ADAMTSL1: variants seen among roughly 807,000 people sequenced by gnomAD.
ADAMTSL1 encodes ADAMTS-like protein 1.
A neutral mutation model predicts 201.8 loss-of-function variants in ADAMTSL1; 126 were observed. The observed-to-expected ratio is 0.62, with a 90% confidence interval of 0.54 to 0.72. The LOEUF (loss-of-function observed/expected upper bound fraction) is 0.72. Ranked by LOEUF, ADAMTSL1 falls within the 30% of genes least tolerant of loss-of-function variation. The probability of loss-of-function intolerance (pLI) is 0.00; values close to 1 mark genes in which losing one functional copy is unlikely to be tolerated. For missense variants in ADAMTSL1, 2,679 were observed against 2,277.8 expected (o/e 1.18, Z -3.59); for synonymous variants, 1,121 against 903.4 (o/e 1.24, Z -4.32).
chr9:18,697,658 G>C (rs1016603522), intron 13 of ADAMTSL1, among the ~76,000 whole-genome samples: 1 of 152,200 alleles, frequency 6.6e-6, no homozygotes, highest in East Asian at 1.9e-4. Flanking sequence ...AGAAGTAAAT[G>C]AGTTTATATA....
chr9:18,829,697 G>T, intron 22 of ADAMTSL1, 146 bp from the exon 23 acceptor site: 1 of 1,142,282 alleles, frequency 8.8e-7, no homozygotes, highest in East Asian at 2.5e-5. Context: ...TCCTCTATAG[G>T]AAAAATAATG....
chr9:18,841,144 G>A (rs1210265371), intron 23 of ADAMTSL1, among the ~76,000 whole-genome samples: 1 of 151,564 alleles, frequency 6.6e-6, no homozygotes. Context: ...TCCAGTTTTT[G>A]CCCATTCAGT....
intron 4 of ADAMTSL1, among the ~76,000 whole-genome samples, chr9:18,619,587 T>G (rs753692703): frequency 6.6e-6 from 1 of 152,192 alleles, no homozygotes; most frequent in Non-Finnish European, 1.5e-5. Context: ...ATTTAGCTAT[T>G]CCTAATATTA....
chr9:18,105,026 TAA>T (rs531440165), intron 1 of ADAMTSL1, among the ~76,000 whole-genome samples: 1 of 147,874 alleles, frequency 6.8e-6, no homozygotes. Context: ...TATGTATAAA[TAA>T]AAAAAAAATA....
chr9:17,969,124 A>G (rs1473954656), intron 1 of ADAMTSL1, among the ~76,000 whole-genome samples: 1 of 152,080 alleles, frequency 6.6e-6, no homozygotes, highest in African/African-American at 2.4e-5. Context: ...CATTGAGCCT[A>G]ATTTTTATAG....
At chr9:18,319,475 C>G (rs919424949) in intron 2 of ADAMTSL1, among the ~76,000 whole-genome samples, 1 of 152,012 alleles carries the variant, frequency 6.6e-6, no homozygotes, top group Non-Finnish European at 1.5e-5. Context: ...CTTCAAAAAC[C>G]AAGGGATTTA....
intron 1 of ADAMTSL1, among the ~76,000 whole-genome samples, chr9:18,490,993 C>T (rs1468971142): frequency 6.6e-6 from 1 of 152,060 alleles, no homozygotes; most frequent in Non-Finnish European, 1.5e-5. Context: ...AGTGTAAAGG[C>T]AGGAAAGCAC....
chr9:18,686,851 A>T (rs541988257), intron 13 of ADAMTSL1, among the ~76,000 whole-genome samples: 1 of 152,330 alleles, frequency 6.6e-6, no homozygotes, highest in South Asian at 2.1e-4. Context: ...ATCGTCAACC[A>T]TATTTTGTCA....
At chr9:18,097,429 A>G (rs558315587) in intron 1 of ADAMTSL1, among the ~76,000 whole-genome samples, 11 of 152,344 alleles carry the variant, frequency 7.2e-5, no homozygotes, top group Admixed American at 4.6e-4. Context: ...TTTGGTAAAT[A>G]CCTAGGAATA....
chr9:17,938,536 C>A (rs1041903023), intron 1 of ADAMTSL1, among the ~76,000 whole-genome samples: 3 of 152,056 alleles, frequency 2.0e-5, no homozygotes, highest in African/African-American at 7.2e-5. Flanking sequence ...GCCAGTATTC[C>A]CTATAATTTG....
intron 5 of ADAMTSL1, among the ~76,000 whole-genome samples, chr9:18,631,186 T>A (rs1721081289): frequency 6.6e-6 from 1 of 152,196 alleles, no homozygotes; most frequent in African/African-American, 2.4e-5. Flanking sequence ...ACTGATTACA[T>A]ATAAAGATGA....
At chr9:18,078,677 G>A (rs776968290) in intron 1 of ADAMTSL1, among the ~76,000 whole-genome samples, 1 of 152,046 alleles carries the variant, frequency 6.6e-6, no homozygotes, top group Non-Finnish European at 1.5e-5. Context: ...CCCTCCAATC[G>A]TAACCCCTAG....
At chr9:17,907,249 G>A (rs1200337025) in intron 1 of ADAMTSL1, among the ~76,000 whole-genome samples, 10 of 152,122 alleles carry the variant, frequency 6.6e-5, no homozygotes, top group Admixed American at 5.9e-4. Context: ...ATCCCCAACA[G>A]TCCTCTACCC....
chr9:18,868,566 A>C (rs913044597), intron 23 of ADAMTSL1, among the ~76,000 whole-genome samples: 7 of 152,238 alleles, frequency 4.6e-5, no homozygotes, highest in Non-Finnish European at 7.3e-5. Context: ...TGGATGATCA[A>C]CAATTACATT....
intron 1 of ADAMTSL1, among the ~76,000 whole-genome samples, chr9:18,495,831 C>T (rs1250978267): frequency 6.6e-6 from 1 of 152,096 alleles, no homozygotes. Context: ...AATTACTTGG[C>T]AATTTTAAGT....
intron 2 of ADAMTSL1, among the ~76,000 whole-genome samples, chr9:18,343,192 C>T (rs1835549173): frequency 6.6e-6 from 1 of 152,014 alleles, no homozygotes; most frequent in Non-Finnish European, 1.5e-5. Flanking sequence ...TTAACATATA[C>T]ATCAACTGAG....
At chr9:18,190,092 G>T (rs1202183953) in intron 2 of ADAMTSL1, among the ~76,000 whole-genome samples, 1 of 152,182 alleles carries the variant, frequency 6.6e-6, no homozygotes, top group African/African-American at 2.4e-5. Flanking sequence ...ATCCAGCACT[G>T]CACATTGCAT....
At chr9:18,553,722 G>T (rs1281470123) in intron 3 of ADAMTSL1, among the ~76,000 whole-genome samples, 1 of 151,748 alleles carries the variant, frequency 6.6e-6, no homozygotes, top group Non-Finnish European at 1.5e-5. Flanking sequence ...CAGTTATCTT[G>T]TCTCAACACT....
In ADAMTSL1 at chr9:17,940,810, C is replaced by CA. The variant is rs996793808; in HGVS notation, c.87+33888_87+33889insA. Among the ~76,000 whole-genome samples, 12 of 64,522 alleles carry CA rather than the reference C, an allele frequency of 1.9e-4. 2 individuals are homozygous for CA. Among genetic ancestry groups the CA allele is most frequent in the African/African-American group, 6.7e-4 (12 of 17,888 alleles). 42.3% of individuals were successfully genotyped at this position (64,522 alleles called of 152,430 possible). A position where few individuals can be genotyped will look rare whatever the true frequency, so the allele number is the denominator to read the frequency against. ...AAATAAAAGTAAATAACACCCCCCC[C>CA]CCAAAAAAAAGAAAGAAATAACGAC... On this transcript the variant is annotated intron_variant, in intron 1 of 29. Transcript: ENST00000680146.
Sources: allele counts gnomAD v4.1 joint callset (sites outside exome capture counted in the v4.1 genomes callset), GRCh38; gene constraint gnomAD v4.1.1; transcripts MANE v1.5; gene names NCBI Gene and HGNC (gene_info 2026-07-23, HGNC 2026-07-21).